Variants in PSMC3IP observed in about 807,000 individuals in gnomAD.
PSMC3IP encodes homologous-pairing protein 2 homolog.
A neutral mutation model predicts 34.9 loss-of-function variants in PSMC3IP; 26 were observed. The observed-to-expected ratio is 0.74, with a 90% CI of 0.55 to 1.03. The LOEUF (loss-of-function observed/expected upper bound fraction) is 1.03. Among genes scored for constraint, PSMC3IP ranks in the 50% least tolerant of loss-of-function variants. The probability of loss-of-function intolerance (pLI) is 0.00; values close to 1 mark genes in which losing one functional copy is unlikely to be tolerated. For synonymous variants in PSMC3IP, 87 were observed against 96.5 expected, an observed-to-expected ratio of 0.90 and a Z score of 0.57; for missense variants, 250 against 263.1, an observed-to-expected ratio of 0.95 and a Z score of 0.34.
chr17:42,577,128 C>T lies in PSMC3IP; in HGVS notation c.225+85G>A. ...AGACAGGTGAGTTTTCCATGGGGGGCCTTGTCCCCAAAGAGTTCACACCAG... is the reference window on the plus strand; with the variant it reads ...AGACAGGTGAGTTTTCCATGGGGGGTCTTGTCCCCAAAGAGTTCACACCAG... On this transcript the variant is annotated intron_variant, in intron 3 of 7. Transcript: ENST00000393795. 4 of 1,597,588 alleles carry T rather than the reference C, an allele frequency of 2.5e-6. No individual in the cohort carries two copies. In the South Asian group the frequency reaches 4.5e-5, roughly 18 times the overall value.
rs151097093 is a variant in PSMC3IP at position 42,577,674 on chromosome 17, G to C, written c.13C>G (p.Arg5Gly). The C allele has an allele frequency of 2.4e-5, 38 of 1,614,018 alleles. No individual in the cohort carries two copies. In the Middle Eastern group the frequency reaches 6.6e-4, roughly 28 times the overall value. Reference sequence around the variant, plus strand: ...TTACCTCCCGCCGCAGCTTCTGCCCGGCCTTTACTCATCGCCTTTCCCGCC... The same window carrying C: ...TTACCTCCCGCCGCAGCTTCTGCCCCGCCTTTACTCATCGCCTTTCCCGCC... MSKG[R>G]AEAAAGAAGI... Residue 5 changes from arginine to glycine, a missense_variant, in exon 1 of 8, where the codon CGG becomes GGG. Physicochemically the swap from Arg to Gly is moderately radical, Grantham distance 125 (BLOSUM62 -2). Transcript: ENST00000393795.
At chr17:42,574,420 A>C (rs1281901332) in intron 3 of PSMC3IP, 3 of 1,295,894 alleles carry the variant, frequency 2.3e-6, no homozygotes, top group Admixed American at 5.7e-5. Flanking sequence ...GAAAAGCTGA[A>C]ATCTAATGCT....
upstream of PSMC3IP, chr17:42,577,828 C>T: frequency 9.9e-7 from 1 of 1,014,342 alleles, no homozygotes; most frequent in Non-Finnish European, 1.5e-6. Flanking sequence ...CCCTCCCGGA[C>T]TCCATAGTTC....
rs1567910946 is a variant in PSMC3IP at position 42,572,492 on chromosome 17, A to G, written c.*476T>C. 2.2e-6 allele frequency: 1 copy of G among 454,368 alleles called. No individual in the cohort carries two copies. Among genetic ancestry groups the G allele is most frequent in the Admixed American group, 2.4e-5 (1 of 42,552 alleles). 28.1% of individuals were successfully genotyped at this position (454,368 alleles called of 1,614,324 possible). On this transcript the variant is annotated 3_prime_UTR_variant, in exon 8 of 8. Transcript: ENST00000393795. ...GGGTGGGGTGAAAAGCGTACAAAAG[A>G]TACTTAAAAGGGCTCCTGGGGTACA...
chr17:42,573,421 C>T lies in PSMC3IP; in HGVS notation c.483+57G>A, dbSNP rs1301341418. 1.9e-6 allele frequency: 3 copies of T among 1,614,264 alleles called. No homozygotes were observed. In the South Asian group the frequency reaches 3.3e-5, roughly 18 times the overall value. On this transcript the variant is annotated intron_variant, in intron 5 of 7. Coordinates refer to ENST00000393795, the MANE Select transcript of PSMC3IP (RefSeq NM_016556.4). ...TCAGAACCACAGCAGCCCTCTGGGG[C>T]TCAGCCCTGATGTTCACTCTGGACC...
At chr17:42,575,683 AGTAAAAATT>A (rs911620377) in intron 3 of PSMC3IP, among the ~76,000 whole-genome samples, 1 of 152,108 alleles carries the variant, frequency 6.6e-6, no homozygotes, top group African/African-American at 2.4e-5. Flanking sequence ...AAAGGAGACA[AGTAAAAATT>A]GTAATACAGC....
chr17:42,577,406 C>G (rs2093082804), intron 2 of PSMC3IP, 55 bp downstream of exon 2: 2 of 1,610,764 alleles, frequency 1.2e-6, no homozygotes, highest in East Asian at 4.5e-5. Flanking sequence ...GGGCACGACC[C>G]CAGCCTGAAT....
chr17:42,573,915 G>A (rs767732608), intron 4 of PSMC3IP, 184 bp downstream of exon 4: 5 of 1,532,472 alleles, frequency 3.3e-6, no homozygotes, highest in Non-Finnish European at 4.4e-6. Flanking sequence ...TGCGTATCTT[G>A]TCCATTTGTT....
rs557405920 is a variant in PSMC3IP at position 42,575,775 on chromosome 17, G to A, written c.225+1438C>T. Among the ~76,000 whole-genome samples, 5 of 151,224 alleles carry A rather than the reference G, an allele frequency of 3.3e-5. No homozygotes were observed. The South Asian group carries it at 1.0e-3, about 32-fold the overall frequency. ...TGTAATCCCAGCACTTTGGGAGGCC[G>A]AGGCGGGTGGATCACGAGGTCAGGA... is the stretch of plus-strand genomic sequence containing the variant. On this transcript the variant is annotated intron_variant, in intron 3 of 7. Coordinates refer to ENST00000393795, the MANE Select transcript of PSMC3IP (RefSeq NM_016556.4).
Position 42,573,531 on chromosome 17 carries a change from ATCTC to A in PSMC3IP, c.426_429del (p.Glu142AspfsTer2). 2 of 1,613,984 alleles carry A rather than the reference ATCTC, an allele frequency of 1.2e-6. No homozygotes were observed. The highest frequency in any genetic ancestry group is 1.7e-6 in the Non-Finnish European group (2 of 1,180,004). On this transcript the variant is annotated frameshift_variant, in exon 5 of 8. Coordinates refer to ENST00000393795, the MANE Select transcript of PSMC3IP (RefSeq NM_016556.4). LOFTEE classifies it high-confidence loss of function. ...TTGGTAGCTGCTTTAATGTTCTTCA[ATCTC>A]TCTCTGTAGCCAGCGCATTCCTTCT... is the stretch of plus-strand genomic sequence containing the variant.
chr17:42,576,121 A>G (rs1441160499), intron 3 of PSMC3IP, among the ~76,000 whole-genome samples: 1 of 152,232 alleles, frequency 6.6e-6, no homozygotes, highest in Non-Finnish European at 1.5e-5. Context: ...GGTGATGTCT[A>G]AGTGAAATCC....
intron 3 of PSMC3IP, among the ~76,000 whole-genome samples, chr17:42,574,618 ACTT>A (rs980380725): frequency 4.6e-5 from 7 of 151,774 alleles, no homozygotes; most frequent in African/African-American, 1.7e-4. Context: ...GGATGGATGG[ACTT>A]CTTTTCTTCT....
chr17:42,575,609 A>C (rs976724878), intron 3 of PSMC3IP, among the ~76,000 whole-genome samples: 8 of 152,166 alleles, frequency 5.3e-5, no homozygotes, highest in Non-Finnish European at 7.3e-5. Context: ...GATACTGCGG[A>C]GGTGCTGATC....
intron 3 of PSMC3IP, 34 bp from the exon 4 acceptor site, chr17:42,574,244 G>C: frequency 6.2e-7 from 1 of 1,603,954 alleles, no homozygotes; most frequent in Non-Finnish European, 8.5e-7. Context: ...CAAGTGAACT[G>C]TTGTGAGGCA....
Position 42,573,363 on chromosome 17 carries a change from A to T in PSMC3IP, c.485T>A (p.Val162Glu). The T allele has an allele frequency of 6.2e-7, 1 of 1,614,024 alleles. No individual in the cohort carries two copies. Among genetic ancestry groups the T allele is most frequent in the Non-Finnish European group, 8.5e-7 (1 of 1,180,002 alleles). The change falls in exon 6 of 8, where the codon GTG becomes GAG. Residue 162 changes from valine to glutamate, a missense_variant and splice_region_variant. Transcript: ENST00000393795. Reference protein sequence around the residue: ...NHVTPEEKEQVYRERQKYCKE... With the variant: ...NHVTPEEKEQEYRERQKYCKE... ...ACAGTACTTCTGCCTCTCTCTGTAC[A>T]CCTAGAAGGAAAAAGCAAGTTCCTC...
At position 42,577,569 on chromosome 17, in the gene PSMC3IP, G is replaced by A. The variant is rs764177136; in HGVS notation, c.35-8C>T. On this transcript the variant is annotated splice_region_variant and splice_polypyrimidine_tract_variant and intron_variant, in intron 1 of 7. Coordinates refer to ENST00000393795, the MANE Select transcript of PSMC3IP (RefSeq NM_016556.4). ...TCAGGAGGATCCCGGCGGCTACGGA[G>A]AGAAAGGCAGGGGAGGGGGCCACTC... 21 of 1,614,148 alleles carry A rather than the reference G, an allele frequency of 1.3e-5. No homozygotes were observed. In the South Asian group the frequency reaches 1.8e-4, roughly 14 times the overall value.
rs1226125865 is a variant in PSMC3IP at position 42,574,105 on chromosome 17, C to T, written c.331G>A (p.Glu111Lys). 3 of 1,614,182 alleles carry T rather than the reference C, an allele frequency of 1.9e-6. No homozygotes were observed. In the Admixed American group the frequency reaches 5.0e-5, roughly 27 times the overall value. ...AGGGGCTACCCAGTCCTACCAGCCT[C>T]CATGTAGCGGCAGCTCTGCTGCAAG... ...QSLQQSCRYM[E>K]AELKELSSAL... Residue 111 changes from glutamate to lysine, a missense_variant, in exon 4 of 8, where the codon GAG (glutamate) becomes AAG (lysine). Glu to Lys is a moderately conservative substitution (Grantham distance 56, BLOSUM62 1). Coordinates refer to ENST00000393795, the MANE Select transcript of PSMC3IP (RefSeq NM_016556.4).
At chr17:42,577,802 G>A (rs1360155923), upstream of PSMC3IP, 5 of 1,309,536 alleles carry the variant, frequency 3.8e-6, no homozygotes, top group Non-Finnish European at 2.2e-6. Context: ...GAAGCCTTCC[G>A]GAGGAGCAAA....
At chr17:42,574,299 T>C in intron 3 of PSMC3IP, 89 bp from the exon 4 acceptor site, 1 of 1,549,700 alleles carries the variant, frequency 6.5e-7, no homozygotes. Flanking sequence ...TTGGATATGC[T>C]CAGGAACCAG....
Sources: gnomAD v4.1 joint callset for allele counts (sites outside exome capture counted in the v4.1 genomes callset) on GRCh38, gnomAD v4.1.1 for gene constraint, MANE v1.5 for transcripts, NCBI Gene and HGNC (gene_info 2026-07-23, HGNC 2026-07-21) for gene names.